SDK1: variants seen among roughly 807,000 people sequenced by gnomAD.
SDK1 encodes sidekick cell adhesion molecule 1.
SDK1 carries 157 observed loss-of-function variants against 245.5 expected under a neutral mutation model. The observed-to-expected ratio is 0.64, with a 90% confidence interval of 0.56 to 0.73. The LOEUF is 0.73. Ranked by LOEUF, SDK1 falls within the 30% of genes least tolerant of loss-of-function variation. The pLI, the probability that SDK1 is intolerant of heterozygous loss-of-function variation, is 0.00. For missense variants in SDK1, 3,583 were observed against 3,002.3 expected, an observed-to-expected ratio of 1.19 and a Z score of -4.52; for synonymous variants, 1,647 against 1,278.5, an observed-to-expected ratio of 1.29 and a Z score of -6.15.
intron 1 of SDK1, among the ~76,000 whole-genome samples, chr7:3,390,852 C>T (rs1781732285): frequency 1.3e-5 from 2 of 152,128 alleles, no homozygotes; most frequent in Admixed American, 1.3e-4. Flanking sequence ...TGTTTTAGGA[C>T]ATTCAGTTTG....
At chr7:4,189,761 G>T (rs1453257248) in intron 35 of SDK1, among the ~76,000 whole-genome samples, 1 of 152,220 alleles carries the variant, frequency 6.6e-6, no homozygotes, top group Non-Finnish European at 1.5e-5. Context: ...CTGCACTGCA[G>T]CCATGGCAAT....
At chr7:3,424,104 G>A (rs1444509831) in intron 1 of SDK1, among the ~76,000 whole-genome samples, 2 of 152,052 alleles carry the variant, frequency 1.3e-5, no homozygotes, top group African/African-American at 2.4e-5. Flanking sequence ...TAGAGATGGG[G>A]TTTCACCATG....
At chr7:3,426,768 C>G (rs547271319) in intron 1 of SDK1, among the ~76,000 whole-genome samples, 16 of 152,280 alleles carry the variant, frequency 1.1e-4, no homozygotes, top group African/African-American at 3.6e-4. Flanking sequence ...TCCGTTTATT[C>G]TTTTAGTCAA....
chr7:3,541,635 T>C (rs1416928329), intron 1 of SDK1, among the ~76,000 whole-genome samples: 1 of 152,224 alleles, frequency 6.6e-6, no homozygotes, highest in Non-Finnish European at 1.5e-5. Context: ...TTGGTATTTA[T>C]TTTTCTCTTC....
At chr7:3,357,662 C>G (rs767999566) in intron 1 of SDK1, among the ~76,000 whole-genome samples, 1 of 151,908 alleles carries the variant, frequency 6.6e-6, no homozygotes, top group African/African-American at 2.4e-5. Flanking sequence ...CCCTTCCTCA[C>G]CAGTCTTGAG....
intron 5 of SDK1, among the ~76,000 whole-genome samples, chr7:3,862,636 T>G (rs553027054): frequency 2.6e-5 from 4 of 152,206 alleles, no homozygotes; most frequent in African/African-American, 7.2e-5. Flanking sequence ...CTTAGTCTCT[T>G]CCTTATTTTC....
At chr7:3,998,084 C>T (rs1784812143) in intron 14 of SDK1, among the ~76,000 whole-genome samples, 1 of 152,160 alleles carries the variant, frequency 6.6e-6, no homozygotes, top group Non-Finnish European at 1.5e-5. Context: ...GCCAAGAGCA[C>T]AAGGAGGCTA....
intron 5 of SDK1, among the ~76,000 whole-genome samples, chr7:3,855,225 G>T (rs1021003532): frequency 1.3e-5 from 2 of 151,888 alleles, no homozygotes; most frequent in Non-Finnish European, 2.9e-5. Context: ...ATTCTTACCT[G>T]GAATCTCAAA....
chr7:3,891,292 G>T (rs376838691), intron 5 of SDK1, among the ~76,000 whole-genome samples: 3 of 152,114 alleles, frequency 2.0e-5, no homozygotes, highest in Non-Finnish European at 4.4e-5. Context: ...TTTCCAGGCC[G>T]TGGTTTTCGT....
At chr7:3,751,844 C>G (rs980768606) in intron 4 of SDK1, among the ~76,000 whole-genome samples, 3 of 152,146 alleles carry the variant, frequency 2.0e-5, no homozygotes, top group Non-Finnish European at 4.4e-5. Flanking sequence ...TCTGAAAGCC[C>G]TGGGAAACTG....
chr7:4,198,757 G>C (rs1297485777), intron 35 of SDK1, among the ~76,000 whole-genome samples: 1 of 151,710 alleles, frequency 6.6e-6, no homozygotes, highest in Non-Finnish European at 1.5e-5. Context: ...TCATTCTGAG[G>C]CCTCTGACTT....
intron 4 of SDK1, among the ~76,000 whole-genome samples, chr7:3,755,759 A>G (rs1180404346): frequency 6.6e-6 from 1 of 152,168 alleles, no homozygotes. Flanking sequence ...AAATGGCTAC[A>G]TGCAGTATGG....
chr7:3,585,864 C>T (rs922155153), intron 1 of SDK1, among the ~76,000 whole-genome samples: 2 of 152,114 alleles, frequency 1.3e-5, no homozygotes, highest in African/African-American at 4.8e-5. Flanking sequence ...TTTCCATTTT[C>T]CAAGAAGGGA....
chr7:3,315,617 A>G (rs1779646917), intron 1 of SDK1, among the ~76,000 whole-genome samples: 1 of 152,194 alleles, frequency 6.6e-6, no homozygotes, highest in African/African-American at 2.4e-5. Flanking sequence ...AGACCAGCCT[A>G]CTTAATGTGC....
At chr7:3,486,747 TTTA>T in intron 1 of SDK1, among the ~76,000 whole-genome samples, 1 of 152,294 alleles carries the variant, frequency 6.6e-6, no homozygotes, top group South Asian at 2.1e-4. Context: ...TCCTATTACA[TTTA>T]TTTTAAAAGA....
chr7:4,242,515 C>G (rs1002261179), intron 43 of SDK1, among the ~76,000 whole-genome samples: 9 of 152,026 alleles, frequency 5.9e-5, no homozygotes, highest in African/African-American at 2.2e-4. Context: ...ATGTGCAGAG[C>G]GCCATCCTCT....
At chr7:4,142,483 C>G (rs558265784) in intron 28 of SDK1, among the ~76,000 whole-genome samples, 35 of 152,246 alleles carry the variant, frequency 2.3e-4, no homozygotes, top group African/African-American at 8.2e-4. Context: ...CGCCCGCCAT[C>G]ACGCCCGGCT....
intron 25 of SDK1, among the ~76,000 whole-genome samples, chr7:4,120,948 A>G (rs1319365041): frequency 6.6e-6 from 1 of 151,968 alleles, no homozygotes; most frequent in Non-Finnish European, 1.5e-5. Flanking sequence ...AAAAAAAGAA[A>G]GAAACCTATG....
intron 38 of SDK1, among the ~76,000 whole-genome samples, chr7:4,216,322 C>T (rs1029115647): frequency 6.6e-6 from 1 of 152,194 alleles, no homozygotes; most frequent in Non-Finnish European, 1.5e-5. Flanking sequence ...CACTGCCCTG[C>T]ACCTCCACAC....
Sources: gnomAD v4.1 joint callset for allele counts (sites outside exome capture counted in the v4.1 genomes callset) on GRCh38, gnomAD v4.1.1 for gene constraint, MANE v1.5 for transcripts, NCBI Gene and HGNC (gene_info 2026-07-23, HGNC 2026-07-21) for gene names.